Variants in SLC14A2 observed in about 807,000 individuals in gnomAD.
The protein encoded by SLC14A2 is urea transporter 2.
In SLC14A2, 91 loss-of-function variants were observed where a neutral mutation model predicts 104.6. The observed-to-expected ratio is 0.87, with a 90% CI of 0.73 to 1.04. The LOEUF (loss-of-function observed/expected upper bound fraction) is 1.04, where lower values mean the gene tolerates loss of function less well. SLC14A2 is among the 50% of genes least tolerant of loss of function. SLC14A2 has a pLI of 0.00. For missense variants in SLC14A2, 1,189 were observed against 1,156.0 expected (o/e 1.03, Z -0.41); for synonymous variants, 476 against 466.4 (o/e 1.02, Z -0.27).
chr18:45,522,959 G>T (rs181370069), intron 2 of SLC14A2, among the ~76,000 whole-genome samples: 240 of 152,266 alleles, frequency 1.6e-3, no homozygotes, highest in African/African-American at 5.4e-3. Flanking sequence ...CGCAGAGCAT[G>T]CCATGGCTTG....
At chr18:45,526,776 C>A (rs2043598896) in intron 2 of SLC14A2, among the ~76,000 whole-genome samples, 1 of 152,064 alleles carries the variant, frequency 6.6e-6, no homozygotes, top group East Asian at 1.9e-4. Flanking sequence ...ATTGTAAGGC[C>A]TGAGCCAGGC....
At chr18:45,566,665 T>C (rs2044270959) in intron 2 of SLC14A2, among the ~76,000 whole-genome samples, 1 of 152,212 alleles carries the variant, frequency 6.6e-6, no homozygotes, top group Admixed American at 6.5e-5. Flanking sequence ...CTGATTCCCA[T>C]TTAATCTCCA....
chr18:45,202,719 CCT>C, the SLC14A2 span, among the ~76,000 whole-genome samples: 1 of 152,036 alleles, frequency 6.6e-6, no homozygotes, highest in Non-Finnish European at 1.5e-5. Flanking sequence ...GTTCTCTTGA[CCT>C]CTTCTTTGAA....
chr18:45,580,442 A>G (rs900733632), intron 2 of SLC14A2, among the ~76,000 whole-genome samples: 2 of 152,262 alleles, frequency 1.3e-5, no homozygotes, highest in South Asian at 2.1e-4. Flanking sequence ...GCCTTTAGAG[A>G]GAGTGTGGGG....
chr18:45,268,774 G>A (rs952759599), intron 1 of SLC14A2, among the ~76,000 whole-genome samples: 3 of 152,104 alleles, frequency 2.0e-5, no homozygotes, highest in African/African-American at 7.2e-5. Context: ...ACTGGCCAAA[G>A]GTTGAGCCTT....
chr18:45,446,888 T>A (rs1382329637), intron 1 of SLC14A2, among the ~76,000 whole-genome samples: 1 of 152,142 alleles, frequency 6.6e-6, no homozygotes. Flanking sequence ...ACTGTCAGCA[T>A]TTTCATGAGC....
In SLC14A2 at chr18:45,345,596, C is replaced by T. The variant is rs34741123; in HGVS notation, c.-125+132405C>T. ...CTGGACTTTATTTATAAGCATGATC[C>T]TTGTGCATCATGGGTACTTCTCTAT... On this transcript the variant is annotated intron_variant, in intron 1 of 20. Coordinates refer to the SLC14A2 transcript ENST00000586448. Among the ~76,000 whole-genome samples, 519 of 152,294 alleles carry T rather than the reference C, an allele frequency of 3.4e-3. No homozygotes were observed. In the Middle Eastern group the frequency reaches 0.041, roughly 12 times the overall value.
intron 1 of SLC14A2, among the ~76,000 whole-genome samples, chr18:45,472,345 A>G (rs1221546834): frequency 1.3e-5 from 2 of 152,156 alleles, no homozygotes; most frequent in Non-Finnish European, 2.9e-5. Flanking sequence ...ACACGTATGC[A>G]TATGTCTTTA....
chr18:45,382,153 C>A (rs189962807), intron 1 of SLC14A2, among the ~76,000 whole-genome samples: 2 of 152,278 alleles, frequency 1.3e-5, no homozygotes, highest in East Asian at 1.9e-4. Context: ...TGGCCACTCC[C>A]AGATTCTCTA....
At chr18:45,307,628 C>G (rs758338671) in intron 1 of SLC14A2, among the ~76,000 whole-genome samples, 219 of 152,178 alleles carry the variant, frequency 1.4e-3, no homozygotes, top group Non-Finnish European at 2.6e-3. Flanking sequence ...GGCTCTCTAT[C>G]CTTCCACAGC....
At chr18:45,239,114 A>G (rs1021583549) in intron 1 of SLC14A2, among the ~76,000 whole-genome samples, 2 of 152,204 alleles carry the variant, frequency 1.3e-5, no homozygotes, top group Non-Finnish European at 2.9e-5. Context: ...TTCCTTTTCT[A>G]GAGTAATACC....
chr18:45,175,247 A>G, the SLC14A2 span, among the ~76,000 whole-genome samples: 4 of 152,282 alleles, frequency 2.6e-5, no homozygotes, highest in South Asian at 8.3e-4. Flanking sequence ...GGGCCTTTAA[A>G]ATAAATCATC....
intron 1 of SLC14A2, among the ~76,000 whole-genome samples, chr18:45,434,752 A>G (rs2086569729): frequency 6.6e-6 from 1 of 152,226 alleles, no homozygotes. Flanking sequence ...ATTGGTTTCT[A>G]AAGAATGGGC....
chr18:45,199,116 A>G, the SLC14A2 span, among the ~76,000 whole-genome samples: 2 of 152,144 alleles, frequency 1.3e-5, no homozygotes, highest in Non-Finnish European at 2.9e-5. Context: ...TTATTTTCAC[A>G]TAACACTTTC....
At chr18:45,235,076 C>A (rs2084211879) in intron 1 of SLC14A2, among the ~76,000 whole-genome samples, 1 of 152,136 alleles carries the variant, frequency 6.6e-6, no homozygotes, top group Non-Finnish European at 1.5e-5. Context: ...AAATCTGCCT[C>A]TTTTCTGAAC....
At chr18:45,247,017 A>T (rs2084373803) in intron 1 of SLC14A2, among the ~76,000 whole-genome samples, 1 of 152,240 alleles carries the variant, frequency 6.6e-6, no homozygotes, top group African/African-American at 2.4e-5. Flanking sequence ...CCTTGCCTGC[A>T]GTGACAGGAA....
chr18:45,390,815 A>G (rs2612580), intron 1 of SLC14A2, among the ~76,000 whole-genome samples: 101,857 of 152,076 alleles, frequency 0.67, 34,729 homozygotes, highest in East Asian at 0.88. Context: ...CAGGTGAGAC[A>G]CTCAATATTG....
At chr18:45,267,521 A>G (rs1440979853) in intron 1 of SLC14A2, among the ~76,000 whole-genome samples, 1 of 152,192 alleles carries the variant, frequency 6.6e-6, no homozygotes, top group Non-Finnish European at 1.5e-5. Flanking sequence ...TCAATAGGCA[A>G]TCATTTTCAA....
intron 1 of SLC14A2, among the ~76,000 whole-genome samples, chr18:45,416,527 C>T (rs1032382389): frequency 3.3e-5 from 5 of 152,106 alleles, no homozygotes; most frequent in East Asian, 1.9e-4. Flanking sequence ...GCATTCAAGG[C>T]GCAGAGTGCA....
Sources: allele counts gnomAD v4.1 joint callset (sites outside exome capture counted in the v4.1 genomes callset), GRCh38; gene constraint gnomAD v4.1.1; transcripts MANE v1.5; gene names NCBI Gene and HGNC (gene_info 2026-07-23, HGNC 2026-07-21).